SLC24A4: variants seen among roughly 807,000 people sequenced by gnomAD.
The protein encoded by SLC24A4 is sodium/potassium/calcium exchanger 4.
Under a neutral mutation model 79.0 loss-of-function variants are expected in SLC24A4, and 53 were observed. The observed-to-expected ratio is 0.67, with a 90% confidence interval of 0.54 to 0.84. SLC24A4 has a LOEUF of 0.84. Among genes scored for constraint, SLC24A4 ranks in the 40% least tolerant of loss-of-function variants. SLC24A4 has a pLI of 0.00. For missense variants in SLC24A4, 731 were observed against 822.0 expected (o/e 0.89, Z 1.35); for synonymous variants, 323 against 323.8 (o/e 1.00, Z 0.03).
At chr14:92,406,334 ACT>A (rs1276431801) in intron 2 of SLC24A4, among the ~76,000 whole-genome samples, 1 of 151,958 alleles carries the variant, frequency 6.6e-6, no homozygotes, top group Non-Finnish European at 1.5e-5. Flanking sequence ...CACGGTGCAC[ACT>A]CTCTGTGAAT....
intron 13 of SLC24A4, chr14:92,484,290 A>G (rs1895238965): frequency 3.0e-6 from 3 of 985,188 alleles, no homozygotes; most frequent in Non-Finnish European, 2.4e-6. Flanking sequence ...ATGCTTCCTC[A>G]GGCTGATCAG....
In SLC24A4 at chr14:92,486,777, C is replaced by G. The variant is rs1895387755; in HGVS notation, c.1534C>G (p.Gln512Glu). 1 of 1,612,198 alleles carries G rather than the reference C, an allele frequency of 6.2e-7. No homozygotes were observed. The highest frequency in any genetic ancestry group is 1.1e-5 in the South Asian group (1 of 91,024). ...DCMASLIVAR[Q>E]GLGDMAVSNT... ...CATGGCCAGCCTAATTGTGGCGAGA[C>G]AAGGTATGGATTATGCCCCAGCCCT... Residue 512 changes from glutamine to glutamate, a missense_variant, in exon 14 of 17, where the codon CAA becomes GAA. Coordinates refer to ENST00000532405, the MANE Select transcript of SLC24A4 (RefSeq NM_153646.4).
chr14:92,399,461 A>G (rs564553873), intron 2 of SLC24A4, among the ~76,000 whole-genome samples: 13 of 152,380 alleles, frequency 8.5e-5, no homozygotes, highest in South Asian at 6.2e-4. Flanking sequence ...TGGATAGGAA[A>G]TAACATCATA....
intron 2 of SLC24A4, among the ~76,000 whole-genome samples, chr14:92,395,124 GT>G (rs1392930827): frequency 6.6e-6 from 1 of 152,182 alleles, no homozygotes; most frequent in Non-Finnish European, 1.5e-5. Context: ...AGAGAGGTTT[GT>G]AAATTGTCAT....
intron 12 of SLC24A4, among the ~76,000 whole-genome samples, chr14:92,470,867 T>G (rs1423416296): frequency 1.3e-5 from 2 of 152,242 alleles, no homozygotes; most frequent in East Asian, 3.8e-4. Flanking sequence ...GTTCACATGG[T>G]GGCAGGTTCC....
chr14:92,470,858 T>C (rs1173223347), intron 12 of SLC24A4, among the ~76,000 whole-genome samples: 1 of 152,204 alleles, frequency 6.6e-6, no homozygotes, highest in Non-Finnish European at 1.5e-5. Context: ...AGCCAAAAAG[T>C]TCACATGGTG....
At chr14:92,322,606 C>T (rs899252614), upstream of SLC24A4, 1 of 152,766 alleles carries the variant, frequency 6.5e-6, no homozygotes, top group African/African-American at 2.4e-5. Context: ...TCTGGTTCCC[C>T]TCTCTGCCCC....
At chr14:92,429,663 C>T (rs1165350923) in intron 2 of SLC24A4, among the ~76,000 whole-genome samples, 1 of 152,172 alleles carries the variant, frequency 6.6e-6, no homozygotes, top group Non-Finnish European at 1.5e-5. Context: ...TGGAGGAGAC[C>T]TTAGTCCTGA....
chr14:92,444,371 C>G (rs1892669608), intron 7 of SLC24A4, among the ~76,000 whole-genome samples: 2 of 152,052 alleles, frequency 1.3e-5, no homozygotes, highest in African/African-American at 4.8e-5. Context: ...AACTGATGCC[C>G]AAGTTATGGG....
At chr14:92,474,793 GTATATATATACATA>G (rs1566795344) in intron 12 of SLC24A4, among the ~76,000 whole-genome samples, 2 of 71,566 alleles carry the variant, frequency 2.8e-5, no homozygotes, top group Non-Finnish European at 5.9e-5. Flanking sequence ...ATGTGTGTGT[GTATATATATACATA>G]TATACATATA....
chr14:92,351,140 T>C (rs1298561277), intron 2 of SLC24A4, among the ~76,000 whole-genome samples: 3 of 152,098 alleles, frequency 2.0e-5, no homozygotes, highest in Non-Finnish European at 4.4e-5. Flanking sequence ...AACTAAGACA[T>C]AACCCTTGGG....
At chr14:92,393,009 A>C (rs1266042471) in intron 2 of SLC24A4, among the ~76,000 whole-genome samples, 2 of 152,146 alleles carry the variant, frequency 1.3e-5, no homozygotes, top group Non-Finnish European at 2.9e-5. Context: ...GGGAGGCGCC[A>C]TCTATGAGGG....
chr14:92,412,679 G>A (rs968710507), intron 2 of SLC24A4, among the ~76,000 whole-genome samples: 1 of 151,928 alleles, frequency 6.6e-6, no homozygotes, highest in African/African-American at 2.4e-5. Context: ...TGCGGGTCAG[G>A]GGGCCGCAGC....
intron 2 of SLC24A4, among the ~76,000 whole-genome samples, chr14:92,379,122 C>A (rs1049475253): frequency 1.5e-4 from 23 of 152,088 alleles, no homozygotes; most frequent in African/African-American, 5.3e-4. Context: ...CCTTGGAATG[C>A]GAGAGAGGTG....
At chr14:92,362,795 C>T (rs1887610955) in intron 2 of SLC24A4, among the ~76,000 whole-genome samples, 2 of 152,208 alleles carry the variant, frequency 1.3e-5, no homozygotes, top group African/African-American at 2.4e-5. Flanking sequence ...TGTGCTGGGT[C>T]AACACATTTT....
chr14:92,377,755 C>T (rs1283380646), intron 2 of SLC24A4, among the ~76,000 whole-genome samples: 1 of 151,772 alleles, frequency 6.6e-6, no homozygotes, highest in South Asian at 2.1e-4. Flanking sequence ...AGGCCTTGGG[C>T]AAAAGTGAGA....
In SLC24A4 at chr14:92,395,485, C is replaced by T. The variant is rs892435725; in HGVS notation, c.242-38427C>T. Among the ~76,000 whole-genome samples the T allele has an allele frequency of 1.6e-4, 25 of 151,568 alleles. 1 individual carries two copies. The highest frequency in any genetic ancestry group is 3.1e-4 in the Non-Finnish European group (21 of 68,010). On this transcript the variant is annotated intron_variant, in intron 2 of 16. Transcript: ENST00000532405. ...CACACACGAAACTATCCCCCAAGCT[C>T]CTCTAGTTTTATGGGCAAATTATGT... is the stretch of plus-strand genomic sequence containing the variant.
intron 2 of SLC24A4, among the ~76,000 whole-genome samples, chr14:92,340,853 C>T (rs1297861764): frequency 6.6e-6 from 1 of 152,128 alleles, no homozygotes; most frequent in East Asian, 1.9e-4. Flanking sequence ...CAGGATTTTA[C>T]CGAGGCCCCA....
chr14:92,482,512 A>G (rs1026154377), intron 12 of SLC24A4, among the ~76,000 whole-genome samples, 168 bp from the exon 13 acceptor site: 16 of 152,246 alleles, frequency 1.1e-4, no homozygotes, highest in African/African-American at 3.6e-4. Context: ...TGCCACTTCC[A>G]GGGTGACATT....
Sources: gnomAD v4.1 joint callset for allele counts (sites outside exome capture counted in the v4.1 genomes callset) on GRCh38, gnomAD v4.1.1 for gene constraint, MANE v1.5 for transcripts, NCBI Gene and HGNC (gene_info 2026-07-23, HGNC 2026-07-21) for gene names.